The following TMEM41A variants were observed in gnomAD, a reference collection of about 807,000 sequenced individuals.
TMEM41A encodes transmembrane protein 41A.
Under a neutral mutation model 25.7 loss-of-function variants are expected in TMEM41A, and 20 were observed. The ratio of observed to expected loss-of-function variants is 0.78; its 90% CI spans 0.55 to 1.13. TMEM41A has a LOEUF of 1.13. Ranked by LOEUF, TMEM41A falls within the 50% of genes most tolerant of loss-of-function variation. The pLI is 0.00. For missense variants in TMEM41A, 299 were observed against 314.3 expected, an observed-to-expected ratio of 0.95 and a Z score of 0.37; for synonymous variants, 133 against 139.6, an observed-to-expected ratio of 0.95 and a Z score of 0.33.
At chr3:185,494,882 C>A (rs866961175) in intron 3 of TMEM41A, 121 bp from the exon 4 acceptor site, 48 of 1,248,162 alleles carry the variant, frequency 3.8e-5, no homozygotes, top group Non-Finnish European at 5.3e-5. Flanking sequence ...CTTCCAACAA[C>A]CCTCCAGGGA....
Position 185,499,033 on chromosome 3 carries a change from A to C in TMEM41A, c.-72T>G. Reference sequence around the variant, plus strand: ...CACTCCGGGACGCAGCGGCGGGCGGACTGAGCCCGCGGAGCACGTTCACTG... The same window carrying C: ...CACTCCGGGACGCAGCGGCGGGCGGCCTGAGCCCGCGGAGCACGTTCACTG... On this transcript the variant is annotated 5_prime_UTR_variant, in exon 1 of 5. Coordinates refer to ENST00000421852, the MANE Select transcript of TMEM41A (RefSeq NM_080652.4). The C allele has an allele frequency of 7.3e-7, 1 of 1,366,598 alleles. No individual in the cohort carries two copies. Among genetic ancestry groups the C allele is most frequent in the Non-Finnish European group, 1.0e-6 (1 of 997,282 alleles). 84.7% of individuals were successfully genotyped at this position (1,366,598 alleles called of 1,614,324 possible).
chr3:185,497,528 T>A (rs1719138919), intron 1 of TMEM41A, among the ~76,000 whole-genome samples: 1 of 152,244 alleles, frequency 6.6e-6, no homozygotes, highest in African/African-American at 2.4e-5. Context: ...TCCCATAGGA[T>A]AAATGTAACT....
At chr3:185,498,485 G>A in intron 1 of TMEM41A, 1 of 225,846 alleles carries the variant, frequency 4.4e-6, no homozygotes, top group Non-Finnish European at 8.7e-6. Flanking sequence ...GCGAAGGTGG[G>A]CTGGAAATGG....
At chr3:185,495,544 G>A (rs1257806684) in intron 2 of TMEM41A, 19 of 553,078 alleles carry the variant, frequency 3.4e-5, no homozygotes, top group African/African-American at 7.5e-5. Flanking sequence ...GGACTCAAGC[G>A]ATCCTCCTGC....
chr3:185,496,970 A>G lies in TMEM41A; in HGVS notation c.131T>C (p.Phe44Ser), dbSNP rs201001656. 7 of 1,595,404 alleles carry G rather than the reference A, an allele frequency of 4.4e-6. No homozygotes were observed. The East Asian group carries it at 1.6e-4, about 36-fold the overall frequency. Residue 44 changes from phenylalanine to serine, a missense_variant, in exon 2 of 5, where the codon TTC becomes TCC. Physicochemically the swap from Phe to Ser is radical, Grantham distance 155. Coordinates refer to ENST00000421852, the MANE Select transcript of TMEM41A (RefSeq NM_080652.4). The stretch of plus-strand genomic sequence containing the variant: ...CCGCAGCTCTGCCAGGTCGGAGGGG[A>G]ACCACAGCGACCTGGGGATTTGGAA... Reference protein sequence around the residue: ...TEEAGGRSLWFPSDLAELREL... With the variant: ...TEEAGGRSLWSPSDLAELREL...
intron 1 of TMEM41A, among the ~76,000 whole-genome samples, chr3:185,498,060 C>T (rs1355019372): frequency 1.3e-5 from 2 of 151,192 alleles, no homozygotes; most frequent in Admixed American, 6.6e-5. Context: ...AGTTCGAGAC[C>T]AGCCTGGCCA....
rs143090267 is a variant in TMEM41A at position 185,491,699 on chromosome 3, G to C, written c.633C>G (p.Thr211=). ...VQTGSILSTL[T]SLDALFSWDT... is the part of the protein sequence containing the mutation. ...CCCAGGAGAAAAGAGCATCCAGAGA[G>C]GTTAGGGTTGACAGGATGGACCCTG... The change falls in exon 5 of 5, where the codon ACC becomes ACG. Residue 211 remains threonine (T), a synonymous_variant. Transcript: ENST00000421852. 6.2e-7 allele frequency: 1 copy of C among 1,614,206 alleles called. No individual in the cohort carries two copies. The highest frequency in any genetic ancestry group is 8.5e-7 in the Non-Finnish European group (1 of 1,180,020).
chr3:185,498,686 G>A (rs1719184572), intron 1 of TMEM41A, 157 bp downstream of exon 1: 1 of 621,232 alleles, frequency 1.6e-6, no homozygotes, highest in Admixed American at 3.2e-5. Context: ...TGCGGACGCG[G>A]GCCCGGATAC....
chr3:185,498,014 T>C (rs531776564), intron 1 of TMEM41A, among the ~76,000 whole-genome samples: 1 of 151,900 alleles, frequency 6.6e-6, no homozygotes, highest in East Asian at 1.9e-4. Context: ...CCCAACACTT[T>C]GGGAGGCTGA....
Position 185,494,634 on chromosome 3 carries a change from G to A in TMEM41A, c.563C>T (p.Ser188Leu). Residue 188 changes from serine to leucine, a missense_variant, in exon 4 of 5, where the codon TCA becomes TTA. Physicochemically the swap from Ser to Leu is moderately radical, Grantham distance 145. Transcript: ENST00000421852. ...LNIPIVQFFFSVLIGLIPYNF... is the reference protein window; with the variant it reads ...LNIPIVQFFFLVLIGLIPYNF... ...CACTAGCATCTTACCGATAAGAACT[G>A]AGAAGAAGAACTGCACGATGGGAAT... 6.2e-7 allele frequency: 1 copy of A among 1,606,544 alleles called. No homozygotes were observed. Among genetic ancestry groups the A allele is most frequent in the Non-Finnish European group, 8.5e-7 (1 of 1,177,272 alleles).
intron 1 of TMEM41A, chr3:185,498,629 A>G: frequency 1.9e-6 from 1 of 533,686 alleles, no homozygotes; most frequent in Non-Finnish European, 3.3e-6. Context: ...CACAGGTCCC[A>G]GTCAGGCCCG....
chr3:185,489,948 C>T lies in TMEM41A; in HGVS notation c.*1589G>A, dbSNP rs1230015899. The T allele has an allele frequency of 5.9e-5, 9 of 152,206 alleles. No homozygotes were observed. The highest frequency in any genetic ancestry group is 4.4e-5 in the Non-Finnish European group (3 of 68,050). The allele number at this position is 152,206 out of a possible 1,614,324, so 9.4% of individuals were successfully genotyped here. A position where few individuals can be genotyped will look rare whatever the true frequency, so the allele number is the denominator to read the frequency against. On this transcript the variant is annotated 3_prime_UTR_variant, in exon 5 of 5. Coordinates refer to ENST00000421852, the MANE Select transcript of TMEM41A (RefSeq NM_080652.4). ...CTGGGGATGCACTCTTCCTATGGAACGTGAGTAATTCCCAAGAATTCATGT... is the reference window on the plus strand; with the variant it reads ...CTGGGGATGCACTCTTCCTATGGAATGTGAGTAATTCCCAAGAATTCATGT...
At position 185,495,286 on chromosome 3, in the gene TMEM41A, T is replaced by C. The variant is rs139370472; in HGVS notation, c.303A>G (p.Pro101=). ...CACAGCACAGCAGAAGCCCCAGCCA[T>C]GGCCCAAACAAGGCACCAGCTAAAA... ...LNVLAGALFG[P]WLGLLLCCVL... The change falls in exon 3 of 5, where the codon CCA becomes CCG. Residue 101 remains proline (P), a synonymous_variant. Transcript: ENST00000421852. The C allele has an allele frequency of 7.7e-5, 125 of 1,613,378 alleles. No individual in the cohort carries two copies. The highest frequency in any genetic ancestry group is 9.9e-5 in the Non-Finnish European group (117 of 1,179,870).
chr3:185,497,150 A>T (rs1577652582), intron 1 of TMEM41A, among the ~76,000 whole-genome samples, 169 bp from the exon 2 acceptor site: 1 of 152,326 alleles, frequency 6.6e-6, no homozygotes, highest in East Asian at 1.9e-4. Context: ...GACGTTGCGG[A>T]GACAGACAGG....
Position 185,490,332 on chromosome 3 carries a change from G to C in TMEM41A, c.*1205C>G, listed in dbSNP as rs1446274097. The C allele has an allele frequency of 6.6e-6, 1 of 152,190 alleles. No homozygotes were observed. Among genetic ancestry groups the C allele is most frequent in the African/African-American group, 2.4e-5 (1 of 41,448 alleles). 9.4% of individuals were successfully genotyped at this position (152,190 alleles called of 1,614,324 possible). On this transcript the variant is annotated 3_prime_UTR_variant, in exon 5 of 5. Coordinates refer to ENST00000421852, the MANE Select transcript of TMEM41A (RefSeq NM_080652.4). ...AATACAACAATGAAAAACATTCAGA[G>C]GGTATACTGCCTGATGGCCCCATAT...
In TMEM41A at chr3:185,491,563, G is replaced by C; in HGVS notation, c.769C>G (p.His257Asp). The C allele has an allele frequency of 1.2e-6, 2 of 1,614,072 alleles. No individual in the cohort carries two copies. The highest frequency in any genetic ancestry group is 1.7e-6 in the Non-Finnish European group (2 of 1,179,952). The change falls in exon 5 of 5, where the codon CAT becomes GAT. Residue 257 changes from histidine to aspartate, a missense_variant. Physicochemically the swap from His to Asp is moderately conservative, Grantham distance 81. Coordinates refer to ENST00000421852, the MANE Select transcript of TMEM41A (RefSeq NM_080652.4). ...CATGTGTCTTTTCTACTGTGTATAT[G>C]ATTAGCAGTACTTGTTTCATTCAAT... ...LQLNETSTANHIHSRKDT is the reference protein window; with the variant it reads ...LQLNETSTANDIHSRKDT
rs1179711534 is a variant in TMEM41A, at chr3:185,498,912, G to A, written c.50C>T (p.Ala17Val). The A allele has an allele frequency of 1.9e-6, 3 of 1,606,658 alleles. No homozygotes were observed. Among genetic ancestry groups the A allele is most frequent in the Non-Finnish European group, 2.5e-6 (3 of 1,177,222 alleles). Residue 17 changes from alanine to valine, a missense_variant, in exon 1 of 5, where the codon GCC becomes GTC. Coordinates refer to ENST00000421852, the MANE Select transcript of TMEM41A (RefSeq NM_080652.4). ...CAGTCGCGTCGACAGCAAGTACAAG[G>A]CGAAGGTGCAGCCGGCGAAGACCAG... is the stretch of plus-strand genomic sequence containing the variant. Reference protein sequence around the residue: ...LLLVFAGCTFALYLLSTRLPR... With the variant: ...LLLVFAGCTFVLYLLSTRLPR...
At position 185,496,895 on chromosome 3, in the gene TMEM41A, A is replaced by T; in HGVS notation, c.206T>A (p.Val69Glu). ...REYRKEHQAYVFLLFCGAYLY... is the reference protein window; with the variant it reads ...REYRKEHQAYEFLLFCGAYLY... ...GTAGGCGCCGCAGAAGAGCAGGAAC[A>T]CGTAGGCCTGGTGCTCCTTCCGGTA... The change falls in exon 2 of 5, where the codon GTG becomes GAG. Residue 69 changes from valine (V) to glutamate (E), a missense_variant. Coordinates refer to ENST00000421852, the MANE Select transcript of TMEM41A (RefSeq NM_080652.4). 1 of 1,606,238 alleles carries T rather than the reference A, an allele frequency of 6.2e-7. No homozygotes were observed. The highest frequency in any genetic ancestry group is 8.5e-7 in the Non-Finnish European group (1 of 1,177,442).
At position 185,496,834 on chromosome 3, in the gene TMEM41A, G is replaced by C; in HGVS notation, c.267C>G (p.Ser89Arg). The change falls in exon 2 of 5, where the codon AGC becomes AGG. Residue 89 changes from serine (S) to arginine (R), a missense_variant. By Grantham distance (110) the Ser-to-Arg change is moderately radical (BLOSUM62 -1). Coordinates refer to ENST00000421852, the MANE Select transcript of TMEM41A (RefSeq NM_080652.4). The stretch of plus-strand genomic sequence containing the variant: ...GGGAGGGCAGGACACTGACCAGGAA[G>C]CTGGAGCCGGGGATGGCAAAGCCCT... ...YKQGFAIPGSSFLNVLAGALF... is the reference protein window; with the variant it reads ...YKQGFAIPGSRFLNVLAGALF... The C allele has an allele frequency of 6.2e-7, 1 of 1,606,252 alleles. No individual in the cohort carries two copies. Among genetic ancestry groups the C allele is most frequent in the Non-Finnish European group, 8.5e-7 (1 of 1,177,558 alleles).
Sources: gnomAD v4.1 joint callset for allele counts (sites outside exome capture counted in the v4.1 genomes callset) on GRCh38, gnomAD v4.1.1 for gene constraint, MANE v1.5 for transcripts, NCBI Gene and HGNC (gene_info 2026-07-23, HGNC 2026-07-21) for gene names.